The following WASHC2C variants were observed in gnomAD, a reference collection of about 807,000 sequenced individuals.
WASHC2C encodes the protein WASH complex subunit 2C.
Under a neutral mutation model 142.2 loss-of-function variants are expected in WASHC2C, and 73 were observed. The observed-to-expected ratio is 0.51, with a 90% confidence interval of 0.43 to 0.62. WASHC2C has a LOEUF of 0.62. Among genes scored for constraint, WASHC2C ranks in the 20% least tolerant of loss-of-function variants. The pLI is 0.00. For synonymous variants in WASHC2C, 337 were observed against 565.5 expected, an observed-to-expected ratio of 0.60 and a Z score of 5.73; for missense variants, 969 against 1,531.7, an observed-to-expected ratio of 0.63 and a Z score of 6.13.
chr10:45,747,017 C>T (rs1346814422), intron 8 of WASHC2C, among the ~76,000 whole-genome samples: 1 of 152,198 alleles, frequency 6.6e-6, no homozygotes, highest in Non-Finnish European at 1.5e-5. Context: ...ATGAAAACTT[C>T]TTACCCTACT....
chr10:45,780,529 TAAAAG>T, intron 23 of WASHC2C, among the ~76,000 whole-genome samples: 1 of 152,244 alleles, frequency 6.6e-6, no homozygotes. Flanking sequence ...GAAAATGAAA[TAAAAG>T]GCATTCAGAT....
At chr10:45,771,271 A>G (rs1156643299) in intron 20 of WASHC2C, among the ~76,000 whole-genome samples, 1 of 148,600 alleles carries the variant, frequency 6.7e-6, no homozygotes, top group Non-Finnish European at 1.5e-5. Context: ...AGGCTGAGGC[A>G]GGAGAATTGC....
intron 17 of WASHC2C, among the ~76,000 whole-genome samples, chr10:45,762,366 C>G (rs2135115006): frequency 6.6e-6 from 1 of 152,026 alleles, no homozygotes; most frequent in African/African-American, 2.4e-5. Context: ...GCACCCACCA[C>G]CACACCTGGC....
Position 45,777,278 on chromosome 10 carries a change from A to G in WASHC2C, c.2148A>G (p.Lys716=). Residue 716 remains lysine (K), a synonymous_variant, in exon 22 of 31, where the codon AAA becomes AAG. Coordinates refer to ENST00000623400, the MANE Select transcript of WASHC2C (RefSeq NM_001330074.2). The stretch of plus-strand genomic sequence containing the variant: ...ATGTACTCTTCTTTTGGTAGAAAAA[A>G]GAGACTGTCTCTGAGGCACCACCTT... ...PTSVPPATKK[K]ETVSEAPPLL... is the part of the protein sequence containing the mutation. 1 of 1,592,970 alleles carries G rather than the reference A, an allele frequency of 6.3e-7. No individual in the cohort carries two copies. The highest frequency in any genetic ancestry group is 1.1e-5 in the South Asian group (1 of 90,408).
chr10:45,759,654 A>G, intron 17 of WASHC2C, among the ~76,000 whole-genome samples: 1 of 152,116 alleles, frequency 6.6e-6, no homozygotes, highest in Non-Finnish European at 1.5e-5. Flanking sequence ...CCCTGTCTCT[A>G]TTAAAAAGAC....
At chr10:45,784,277 T>C (rs1434476256) in intron 23 of WASHC2C, among the ~76,000 whole-genome samples, 492 of 8,052 alleles carry the variant, frequency 0.061, 13 homozygotes, top group South Asian at 0.29. Flanking sequence ...TATATATATA[T>C]ATATATATAT....
At chr10:45,784,245 TGTGTGTG>T (rs1554888837) in intron 23 of WASHC2C, among the ~76,000 whole-genome samples, 1 of 40,698 alleles carries the variant, frequency 2.5e-5, no homozygotes, top group African/African-American at 7.9e-5. Context: ...TATATATGTG[TGTGTGTG>T]TATATATATA....
intron 3 of WASHC2C, among the ~76,000 whole-genome samples, chr10:45,733,390 C>G (rs868955002): frequency 4.3e-4 from 65 of 152,192 alleles, no homozygotes; most frequent in Middle Eastern, 3.4e-3. Context: ...TAGTCTGTTA[C>G]TCTCCAGCCC....
rs538985598 is a variant in WASHC2C at position 45,783,976 on chromosome 10, T to G, written c.2479-589T>G. On this transcript the variant is annotated intron_variant, in intron 23 of 30. Coordinates refer to ENST00000623400, the MANE Select transcript of WASHC2C (RefSeq NM_001330074.2). ...GGCTTGTGGTCGCACCTGTGCCAGG[T>G]CTTTGGCCTGCAGTGCTTACAGGTG... is the stretch of plus-strand genomic sequence containing the variant. Among the ~76,000 whole-genome samples, 330 of 151,990 alleles carry G rather than the reference T, an allele frequency of 2.2e-3. 2 individuals carry two copies. The highest frequency in any genetic ancestry group is 3.2e-3 in the Non-Finnish European group (220 of 67,964).
chr10:45,759,000 C>T (rs1171713039), intron 16 of WASHC2C, among the ~76,000 whole-genome samples: 8 of 150,570 alleles, frequency 5.3e-5, no homozygotes, highest in African/African-American at 2.0e-4. Context: ...CTGCCGACCA[C>T]CTAAGGCCCA....
At chr10:45,758,100 A>C (rs1309180975) in intron 16 of WASHC2C, among the ~76,000 whole-genome samples, 7 of 151,974 alleles carry the variant, frequency 4.6e-5, no homozygotes, top group African/African-American at 1.7e-4. Flanking sequence ...CTTGTCTTGT[A>C]GAATGTGTCT....
chr10:45,727,232 C>T (rs952120757), upstream of WASHC2C: 3 of 1,520,120 alleles, frequency 2.0e-6, no homozygotes, highest in Admixed American at 4.3e-5. Flanking sequence ...ACGCCCCGGG[C>T]AGCTTGGCTG....
upstream of WASHC2C, chr10:45,727,201 T>G (rs1486852547): frequency 2.0e-5 from 29 of 1,475,754 alleles, no homozygotes; most frequent in South Asian, 3.8e-4. Flanking sequence ...TCACGTGACA[T>G]CAGGTCACGT....
chr10:45,774,613 T>A (rs1196669559), intron 21 of WASHC2C, among the ~76,000 whole-genome samples: 14 of 44,022 alleles, frequency 3.2e-4, no homozygotes, highest in Non-Finnish European at 6.4e-4. Context: ...GATATTTCAG[T>A]GTAAGTTAAT....
chr10:45,754,736 C>CT (rs2054028912), intron 14 of WASHC2C, among the ~76,000 whole-genome samples, 191 bp downstream of exon 14: 1 of 152,130 alleles, frequency 6.6e-6, no homozygotes, highest in African/African-American at 2.4e-5. Flanking sequence ...TGGCCTTGGA[C>CT]TTTTTTGTGT....
In WASHC2C at chr10:45,789,084, G is replaced by A. The variant is rs1702320085; in HGVS notation, c.3301G>A (p.Ala1101Thr). The A allele has an allele frequency of 6.2e-7, 1 of 1,612,054 alleles. No homozygotes were observed. Among genetic ancestry groups the A allele is most frequent in the Admixed American group, 1.7e-5 (1 of 60,030 alleles). ...TGAGGAGGCCCTGGCAGCTGCCGCT[G>A]CACCTTGGGAAGGTGGTCCTGTGCC... ...STEEALAAAA[A>T]PWEGGPVPGV... The change falls in exon 29 of 31, where the codon GCA (alanine) becomes ACA (threonine). Residue 1101 changes from alanine to threonine, a missense_variant. Ala to Thr is a moderately conservative substitution (Grantham distance 58). Transcript: ENST00000623400.
intron 8 of WASHC2C, among the ~76,000 whole-genome samples, chr10:45,747,885 A>G (rs1334343714): frequency 9.4e-5 from 14 of 148,938 alleles, no homozygotes; most frequent in Non-Finnish European, 2.1e-4. Flanking sequence ...ACGCCCAGCC[A>G]ATATTTTCAT....
rs1158693172 is a variant in WASHC2C at position 45,744,012 on chromosome 10, G to T, written c.622+529G>T. Among the ~76,000 whole-genome samples the T allele has an allele frequency of 4.0e-5, 6 of 151,706 alleles. No homozygotes were observed. In the East Asian group the frequency reaches 1.2e-3, roughly 30 times the overall value. Reference sequence around the variant, plus strand: ...TCTGCCCGCCTCGGCCTCCCAAAGTGCTGGGATTACAAGCATGAGCCACCG... The same window carrying T: ...TCTGCCCGCCTCGGCCTCCCAAAGTTCTGGGATTACAAGCATGAGCCACCG... On this transcript the variant is annotated intron_variant, in intron 6 of 30. Coordinates refer to ENST00000623400, the MANE Select transcript of WASHC2C (RefSeq NM_001330074.2).
intron 5 of WASHC2C, among the ~76,000 whole-genome samples, chr10:45,742,539 C>T (rs1305277248): frequency 6.6e-6 from 1 of 152,216 alleles, no homozygotes; most frequent in African/African-American, 2.4e-5. Context: ...TGGTCTCAAA[C>T]TCCTGACCTC....
Sources: gnomAD v4.1 joint callset for allele counts (sites outside exome capture counted in the v4.1 genomes callset) on GRCh38, gnomAD v4.1.1 for gene constraint, MANE v1.5 for transcripts, NCBI Gene and HGNC (gene_info 2026-07-23, HGNC 2026-07-21) for gene names.